Variants in NRXN1 observed in about 807,000 individuals in gnomAD.
NRXN1 encodes neurexin 1, also known as neurexin-1.
NRXN1 carries 39 observed loss-of-function variants against 150.9 expected under a neutral mutation model. That is an observed-to-expected ratio of 0.26 (90% CI 0.20 to 0.34). The LOEUF (loss-of-function observed/expected upper bound fraction) is 0.34. Among genes scored for constraint, NRXN1 ranks in the 10% least tolerant of loss-of-function variants. The pLI is 1.00. For missense variants in NRXN1, 1,815 were observed against 1,949.9 expected, an observed-to-expected ratio of 0.93 and a Z score of 1.30; for synonymous variants, 924 against 757.0, an observed-to-expected ratio of 1.22 and a Z score of -3.62.
At chr2:50,408,545 T>G (rs1469620975) in intron 17 of NRXN1, among the ~76,000 whole-genome samples, 3 of 152,196 alleles carry the variant, frequency 2.0e-5, no homozygotes, top group Middle Eastern at 3.2e-3. Context: ...TTTAAAATAT[T>G]TGTTGAAAGA....
At chr2:50,706,721 T>A (rs1011428301) in intron 5 of NRXN1, among the ~76,000 whole-genome samples, 2 of 152,142 alleles carry the variant, frequency 1.3e-5, no homozygotes, top group Non-Finnish European at 2.9e-5. Context: ...TATTGTTAAA[T>A]GGGAATCTTA....
intron 18 of NRXN1, among the ~76,000 whole-genome samples, chr2:50,122,017 T>G (rs997882093): frequency 2.6e-5 from 4 of 152,228 alleles, no homozygotes; most frequent in Admixed American, 2.0e-4. Context: ...GAAAGTAGTA[T>G]AGTTACTGCG....
chr2:50,039,521 C>A (rs1690600105), intron 21 of NRXN1, among the ~76,000 whole-genome samples: 1 of 152,138 alleles, frequency 6.6e-6, no homozygotes, highest in Non-Finnish European at 1.5e-5. Flanking sequence ...AAGGCTCTTT[C>A]TGTGGATGTT....
At chr2:50,960,792 A>T (rs1012332589) in intron 2 of NRXN1, among the ~76,000 whole-genome samples, 1 of 151,950 alleles carries the variant, frequency 6.6e-6, no homozygotes, top group African/African-American at 2.4e-5. Context: ...GTAAACGTTT[A>T]ACCAAAGCAA....
intron 5 of NRXN1, among the ~76,000 whole-genome samples, chr2:50,738,949 CTAAG>C (rs1699098834): frequency 6.6e-6 from 1 of 152,166 alleles, no homozygotes; most frequent in African/African-American, 2.4e-5. Context: ...GGATACATCA[CTAAG>C]TGTCTCTAAG....
chr2:50,622,414 GT>G (rs1242135003), intron 6 of NRXN1, among the ~76,000 whole-genome samples: 1 of 152,144 alleles, frequency 6.6e-6, no homozygotes, highest in African/African-American at 2.4e-5. Flanking sequence ...CAACAAATAT[GT>G]TAAGGATATT....
At chr2:50,783,369 C>T (rs1356461992) in intron 5 of NRXN1, among the ~76,000 whole-genome samples, 2 of 152,032 alleles carry the variant, frequency 1.3e-5, no homozygotes. Flanking sequence ...TTCTTGGTTA[C>T]CTGGGGATCC....
At chr2:50,390,558 G>C (rs1219922834) in intron 17 of NRXN1, among the ~76,000 whole-genome samples, 2 of 152,150 alleles carry the variant, frequency 1.3e-5, no homozygotes, top group African/African-American at 4.8e-5. Context: ...TGGTTTGACT[G>C]TGTTCCCCAA....
chr2:50,166,674 A>G (rs575225512), intron 18 of NRXN1, among the ~76,000 whole-genome samples: 1 of 152,328 alleles, frequency 6.6e-6, no homozygotes, highest in South Asian at 2.1e-4. Flanking sequence ...GCTAAAACCT[A>G]TTTATTAAAT....
chr2:50,578,617 A>T (rs2105508537), intron 8 of NRXN1, among the ~76,000 whole-genome samples: 2 of 152,234 alleles, frequency 1.3e-5, no homozygotes, highest in South Asian at 4.1e-4. Context: ...GTAGCTGTGC[A>T]TGTGTGTATT....
chr2:50,664,050 A>G lies in NRXN1; in HGVS notation c.833-40435T>C, dbSNP rs796615286. On this transcript the variant is annotated intron_variant, in intron 5 of 22. Coordinates refer to ENST00000401669, the MANE Select transcript of NRXN1 (RefSeq NM_001330078.2). ...ATGGTCAGGCACTTGCTCAGGGGCTAGGAACATAATGCTGAACAAACAGAT... is the reference window on the plus strand; with the variant it reads ...ATGGTCAGGCACTTGCTCAGGGGCTGGGAACATAATGCTGAACAAACAGAT... 3.3e-5 allele frequency among the ~76,000 whole-genome samples: 5 copies of G among 152,034 alleles called. No individual in the cohort carries two copies. The East Asian group carries it at 9.7e-4, about 30-fold the overall frequency.
chr2:50,216,066 A>G (rs955835642), intron 18 of NRXN1, among the ~76,000 whole-genome samples: 3 of 151,992 alleles, frequency 2.0e-5, no homozygotes, highest in African/African-American at 7.2e-5. Context: ...TATTTTTAAA[A>G]TACTTTGGGC....
intron 8 of NRXN1, among the ~76,000 whole-genome samples, chr2:50,562,532 T>G (rs770225221): frequency 2.0e-5 from 3 of 152,126 alleles, no homozygotes; most frequent in Non-Finnish European, 2.9e-5. Flanking sequence ...ACCAAACAAT[T>G]TCATGTAAAA....
At chr2:50,936,968 A>T (rs1441458063) in intron 2 of NRXN1, among the ~76,000 whole-genome samples, 3 of 152,192 alleles carry the variant, frequency 2.0e-5, no homozygotes, top group Non-Finnish European at 4.4e-5. Flanking sequence ...TCAATGTTTT[A>T]TCTATTCATC....
At chr2:50,623,026 C>T (rs1372554701) in intron 6 of NRXN1, among the ~76,000 whole-genome samples, 1 of 152,052 alleles carries the variant, frequency 6.6e-6, no homozygotes. Context: ...AAACCAAAAA[C>T]ACAACAAAAT....
rs139812947 is a variant in NRXN1, at chr2:49,990,390, AGG to A, written c.4129-46601_4129-46600del. Among the ~76,000 whole-genome samples the A allele has an allele frequency of 6.4e-3, 974 of 152,308 alleles. 13 individuals carry two copies. Among genetic ancestry groups the A allele is most frequent in the African/African-American group, 0.022 (933 of 41,570 alleles). On this transcript the variant is annotated intron_variant, in intron 21 of 22. Coordinates refer to ENST00000401669, the MANE Select transcript of NRXN1 (RefSeq NM_001330078.2). ...CCAGGTGGCCAGATGGAAGTTGTGTAGGGTAGGTAGGGTATTGTGACTTTATT... is the reference window on the plus strand; with the variant it reads ...CCAGGTGGCCAGATGGAAGTTGTGTAGTAGGTAGGGTATTGTGACTTTATT...
At chr2:50,588,805 C>A (rs928165884) in intron 8 of NRXN1, 1 of 152,080 alleles carries the variant, frequency 6.6e-6, no homozygotes, top group Non-Finnish European at 1.5e-5. Context: ...TTCTGTGAAG[C>A]GTAGCAAGTC....
chr2:50,549,615 C>T (rs1667133586), intron 9 of NRXN1, among the ~76,000 whole-genome samples: 1 of 152,176 alleles, frequency 6.6e-6, no homozygotes, highest in Admixed American at 6.5e-5. Flanking sequence ...TCTTCCCATA[C>T]AGAATTGAGC....
At chr2:50,023,091 G>T (rs1687804439) in intron 21 of NRXN1, 1 of 152,186 alleles carries the variant, frequency 6.6e-6, no homozygotes, top group Non-Finnish European at 1.5e-5. Flanking sequence ...AGCAGGTGCT[G>T]AGGCTCCCTT....
Sources: gnomAD v4.1 joint callset for allele counts (sites outside exome capture counted in the v4.1 genomes callset) on GRCh38, gnomAD v4.1.1 for gene constraint, MANE v1.5 for transcripts, NCBI Gene and HGNC (gene_info 2026-07-23, HGNC 2026-07-21) for gene names.